The following ADAMTS5 variants were observed in gnomAD, a reference collection of about 807,000 sequenced individuals.
ADAMTS5 encodes the protein ADAM metallopeptidase with thrombospondin type 1 motif 5.
In ADAMTS5, 54 loss-of-function variants were observed where a neutral mutation model predicts 81.4. That is an observed-to-expected ratio of 0.66 (90% CI 0.53 to 0.83). The LOEUF (loss-of-function observed/expected upper bound fraction) is 0.83. Among genes scored for constraint, ADAMTS5 ranks in the 40% least tolerant of loss-of-function variants. ADAMTS5 has a pLI of 0.00. For synonymous variants in ADAMTS5, 532 were observed against 508.8 expected (o/e 1.05, Z -0.61); for missense variants, 1,194 against 1,229.9 (o/e 0.97, Z 0.44).
Position 26,924,219 on chromosome 21 carries a change from T to C in ADAMTS5, c.2627A>G (p.Gln876Arg), listed in dbSNP as rs755287818. 1 of 1,614,240 alleles carries C rather than the reference T, an allele frequency of 6.2e-7. No homozygotes were observed. The highest frequency in any genetic ancestry group is 8.5e-7 in the Non-Finnish European group (1 of 1,180,030). ...GSNKVGSHTS[Q>R]PQWVTGPWLA... ...CCATGGGCCCGTGACCCACTGCGGC[T>C]GCGAAGTGTGTGATCCCACTTTATT... Residue 876 changes from glutamine to arginine, a missense_variant, in exon 8 of 8, where the codon CAG becomes CGG. Coordinates refer to ENST00000284987, the MANE Select transcript of ADAMTS5 (RefSeq NM_007038.5).
rs891407000 is a variant in ADAMTS5 at position 26,923,375 on chromosome 21, T to C, written c.*678A>G. 6.6e-6 allele frequency: 1 copy of C among 152,204 alleles called. No individual in the cohort carries two copies. The highest frequency in any genetic ancestry group is 1.5e-5 in the Non-Finnish European group (1 of 68,044). The allele number at this position is 152,204 out of a possible 1,614,324, so 9.4% of individuals were successfully genotyped here. A position where few individuals can be genotyped will look rare whatever the true frequency, so the allele number is the denominator to read the frequency against. ...GAACCCGTGTATGTATTTAAGTGAC[T>C]AGATACACTGAGATCTATTTACTTT... On this transcript the variant is annotated 3_prime_UTR_variant, in exon 8 of 8. Coordinates refer to ENST00000284987, the MANE Select transcript of ADAMTS5 (RefSeq NM_007038.5).
Position 26,918,552 on chromosome 21 carries a change from A to T in ADAMTS5, c.*5501T>A, listed in dbSNP as rs1028600511. Reference sequence around the variant, plus strand: ...ACAAATACGTAAGTAGTGTTTTTCAACTCGTAATTGTAGCAAGATGAGCCA... The same window carrying T: ...ACAAATACGTAAGTAGTGTTTTTCATCTCGTAATTGTAGCAAGATGAGCCA... On this transcript the variant is annotated 3_prime_UTR_variant, in exon 8 of 8. Transcript: ENST00000284987. 6.6e-6 allele frequency: 1 copy of T among 151,982 alleles called. No homozygotes were observed. Among genetic ancestry groups the T allele is most frequent in the African/African-American group, 2.4e-5 (1 of 41,408 alleles). The allele number at this position is 151,982 out of a possible 1,614,324, so 9.4% of individuals were successfully genotyped here.
Position 26,929,997 on chromosome 21 carries a change from C to A in ADAMTS5, c.2114G>T (p.Arg705Ile). ...GCCAATGATGCCGTCACAGCCAGTT[C>A]TCACACACTTCCCCCGGACGCAGAC... ...NSVCVRGKCV[R>I]TGCDGIIGSK... is the part of the protein sequence containing the mutation. Residue 705 changes from arginine to isoleucine, a missense_variant, in exon 7 of 8, where the codon AGA (arginine) becomes ATA (isoleucine). Physicochemically the swap from Arg to Ile is moderately conservative, Grantham distance 97. Transcript: ENST00000284987. The A allele has an allele frequency of 6.2e-7, 1 of 1,614,144 alleles. No individual in the cohort carries two copies. Among genetic ancestry groups the A allele is most frequent in the African/African-American group, 1.3e-5 (1 of 75,036 alleles).
chr21:26,941,496 A>G (rs1987113917), intron 3 of ADAMTS5, among the ~76,000 whole-genome samples: 1 of 152,148 alleles, frequency 6.6e-6, no homozygotes, highest in African/African-American at 2.4e-5. Flanking sequence ...TATTTACTGC[A>G]TAGAAATTAA....
chr21:26,960,663 C>CTGTGAGAAGT (rs1987512905), intron 1 of ADAMTS5, among the ~76,000 whole-genome samples: 1 of 152,148 alleles, frequency 6.6e-6, no homozygotes, highest in African/African-American at 2.4e-5. Flanking sequence ...TTTCTGGACT[C>CTGTGAGAAGT]CAGAACTGTG....
chr21:26,955,612 G>C (rs1431198911), intron 1 of ADAMTS5, among the ~76,000 whole-genome samples: 1 of 152,056 alleles, frequency 6.6e-6, no homozygotes, highest in Non-Finnish European at 1.5e-5. Context: ...CCCAATAATG[G>C]TGAAAAATGA....
Position 26,923,388 on chromosome 21 carries a change from A to G in ADAMTS5, c.*665T>C, listed in dbSNP as rs187440668. ...TATTTAAGTGACTAGATACACTGAG[A>G]TCTATTTACTTTTCAAAATTTCTCA... On this transcript the variant is annotated 3_prime_UTR_variant, in exon 8 of 8. Coordinates refer to ENST00000284987, the MANE Select transcript of ADAMTS5 (RefSeq NM_007038.5). 2.5e-4 allele frequency: 38 copies of G among 152,326 alleles called. No homozygotes were observed. The highest frequency in any genetic ancestry group is 2.2e-3 in the Admixed American group (34 of 15,294). The allele number at this position is 152,326 out of a possible 1,614,324, so 9.4% of individuals were successfully genotyped here.
chr21:26,943,948 G>A (rs1987165158), intron 2 of ADAMTS5, among the ~76,000 whole-genome samples: 1 of 152,164 alleles, frequency 6.6e-6, no homozygotes, highest in Non-Finnish European at 1.5e-5. Flanking sequence ...AGATCAAAGT[G>A]CATTTGCTCC....
At chr21:26,944,781 C>A (rs375378851) in intron 2 of ADAMTS5, among the ~76,000 whole-genome samples, 83 of 152,216 alleles carry the variant, frequency 5.5e-4, no homozygotes, top group African/African-American at 2.0e-3. Context: ...GAGATGAAAT[C>A]TTTCACTTTA....
intron 7 of ADAMTS5, among the ~76,000 whole-genome samples, chr21:26,927,328 G>T (rs149914862): frequency 6.6e-6 from 1 of 152,180 alleles, no homozygotes; most frequent in East Asian, 1.9e-4. Context: ...GTGAAGAAAC[G>T]GAGTAAGGTA....
intron 2 of ADAMTS5, among the ~76,000 whole-genome samples, chr21:26,945,089 G>T (rs1362543325): frequency 6.6e-6 from 1 of 151,208 alleles, no homozygotes; most frequent in Non-Finnish European, 1.5e-5. Context: ...AAGGAAATTA[G>T]CAGGGGCTCA....
intron 3 of ADAMTS5, among the ~76,000 whole-genome samples, chr21:26,936,990 A>C (rs558462500): frequency 6.6e-6 from 1 of 152,356 alleles, no homozygotes; most frequent in South Asian, 2.1e-4. Flanking sequence ...TGTTTTAAGA[A>C]AGTTTTTAAA....
At chr21:26,956,658 C>A (rs957883022) in intron 1 of ADAMTS5, among the ~76,000 whole-genome samples, 1 of 150,894 alleles carries the variant, frequency 6.6e-6, no homozygotes, top group Non-Finnish European at 1.5e-5. Flanking sequence ...TATCTGCACA[C>A]ATTTTTTTTA....
At chr21:26,958,701 G>A (rs1278511530) in intron 1 of ADAMTS5, among the ~76,000 whole-genome samples, 1 of 152,188 alleles carries the variant, frequency 6.6e-6, no homozygotes, top group Non-Finnish European at 1.5e-5. Flanking sequence ...TGACACTGTG[G>A]TAAATAGATG....
chr21:26,958,840 T>C (rs146366410), intron 1 of ADAMTS5, among the ~76,000 whole-genome samples: 67 of 152,332 alleles, frequency 4.4e-4, no homozygotes, highest in African/African-American at 1.5e-3. Context: ...GAGGCATTGA[T>C]GAATTCTCCT....
In ADAMTS5 at chr21:26,954,801, C is replaced by T. The variant is rs562532375; in HGVS notation, c.1175G>A (p.Arg392His). The change falls in exon 2 of 8, where the codon CGC becomes CAC. Residue 392 changes from arginine to histidine, a missense_variant. By Grantham distance (29) the Arg-to-His change is conservative (BLOSUM62 0). Around this residue, in one of 2 missense-constraint regions of ADAMTS5, gnomAD observed 696 missense variants for 817.6 expected, o/e 0.85. Coordinates refer to ENST00000284987, the MANE Select transcript of ADAMTS5 (RefSeq NM_007038.5). ...ADVGTICSPE[R>H]SCAVIEDDGL... is the part of the protein sequence containing the mutation. Reference sequence around the variant, plus strand: ...ATCGTCTTCAATCACAGCACAGCTGCGCTCTGGAGAACATATGGTCCCAAC... The same window carrying T: ...ATCGTCTTCAATCACAGCACAGCTGTGCTCTGGAGAACATATGGTCCCAAC... The T allele has an allele frequency of 2.6e-5, 42 of 1,614,100 alleles. No individual in the cohort carries two copies. Among genetic ancestry groups the T allele is most frequent in the Admixed American group, 6.7e-5 (4 of 59,986 alleles).
intron 2 of ADAMTS5, among the ~76,000 whole-genome samples, chr21:26,949,308 A>C (rs1388393922): frequency 6.6e-6 from 1 of 151,832 alleles, no homozygotes; most frequent in East Asian, 1.9e-4. Flanking sequence ...AATGATCCTC[A>C]TACCTTCTGA....
In ADAMTS5 at chr21:26,965,759, G is replaced by A. The variant is rs1353748110; in HGVS notation, c.633C>T (p.Thr211=). 3.1e-6 allele frequency: 5 copies of A among 1,599,914 alleles called. No individual in the cohort carries two copies. In the South Asian group the frequency reaches 3.4e-5, roughly 11 times the overall value. ...CGTGGGCCTCCGGTGTGGACGCGGG[G>A]GTTTCGCAGCTGGCGCGCGGCGGCA... ...EALPPRASCE[T]PASTPEAHEH... is the part of the protein sequence containing the mutation. The change falls in exon 1 of 8, where the codon ACC becomes ACT. Residue 211 remains threonine, a synonymous_variant. Transcript: ENST00000284987.
intron 3 of ADAMTS5, among the ~76,000 whole-genome samples, chr21:26,940,644 T>C (rs753411577): frequency 1.3e-5 from 2 of 152,210 alleles, no homozygotes; most frequent in African/African-American, 2.4e-5. Flanking sequence ...ATGGTAGAAC[T>C]GTAAAATACT....
Sources: gnomAD v4.1 joint callset for allele counts (sites outside exome capture counted in the v4.1 genomes callset) on GRCh38, gnomAD v4.1.1 for gene constraint, gnomAD v4.1.1 regional missense constraint, MANE v1.5 for transcripts, NCBI Gene and HGNC (gene_info 2026-07-23, HGNC 2026-07-21) for gene names.